DTNB: variants seen among roughly 807,000 people sequenced by gnomAD.
DTNB encodes dystrobrevin beta.
In DTNB, 63 loss-of-function variants were observed where a neutral mutation model predicts 90.7. The ratio of observed to expected loss-of-function variants is 0.69; its 90% confidence interval spans 0.57 to 0.86. The LOEUF is 0.86. DTNB is among the 40% of genes least tolerant of loss of function. DTNB has a pLI of 0.00. For synonymous variants in DTNB, 277 were observed against 286.7 expected, an observed-to-expected ratio of 0.97 and a Z score of 0.34; for missense variants, 744 against 807.1, an observed-to-expected ratio of 0.92 and a Z score of 0.95.
At chr2:25,585,790 A>G (rs377474003) in intron 6 of DTNB, among the ~76,000 whole-genome samples, 23 of 152,202 alleles carry the variant, frequency 1.5e-4, no homozygotes, top group Non-Finnish European at 2.2e-4. Context: ...ATTTTTATGC[A>G]AACTTCTGAG....
At chr2:25,635,633 G>A (rs1417980216) in intron 3 of DTNB, among the ~76,000 whole-genome samples, 1 of 152,026 alleles carries the variant, frequency 6.6e-6, no homozygotes, top group Non-Finnish European at 1.5e-5. Flanking sequence ...CTGCAGGACT[G>A]TACAGTAAAA....
chr2:25,630,567 G>A (rs1005867204), intron 3 of DTNB, among the ~76,000 whole-genome samples: 2 of 152,100 alleles, frequency 1.3e-5, no homozygotes, highest in Admixed American at 6.5e-5. Flanking sequence ...GGCCAGGCAC[G>A]GTGACGGTGG....
intron 8 of DTNB, among the ~76,000 whole-genome samples, chr2:25,541,340 C>T (rs568496971): frequency 1.4e-3 from 212 of 151,882 alleles, no homozygotes; most frequent in Non-Finnish European, 2.3e-3. Context: ...ATTAGCTGGG[C>T]GTGGTGGTGG....
intron 9 of DTNB, among the ~76,000 whole-genome samples, chr2:25,516,245 ACTTT>A (rs752288045): frequency 2.0e-5 from 3 of 151,910 alleles, no homozygotes; most frequent in South Asian, 2.1e-4. Context: ...TAGTCCTGTC[ACTTT>A]CTTTCTTTCT....
At chr2:25,386,321 C>G (rs2039461206) in intron 18 of DTNB, among the ~76,000 whole-genome samples, 1 of 152,218 alleles carries the variant, frequency 6.6e-6, no homozygotes, top group South Asian at 2.1e-4. Context: ...CAAGGCTTGC[C>G]TTCCCTAAGA....
intron 8 of DTNB, among the ~76,000 whole-genome samples, chr2:25,568,855 G>A (rs2151270219): frequency 6.6e-6 from 1 of 152,322 alleles, no homozygotes; most frequent in Admixed American, 6.5e-5. Context: ...GCTGGCCTCA[G>A]TGACTCTTCA....
intron 8 of DTNB, among the ~76,000 whole-genome samples, chr2:25,572,232 C>T (rs2059976387): frequency 6.6e-6 from 1 of 152,100 alleles, no homozygotes; most frequent in South Asian, 2.1e-4. Flanking sequence ...CTTTGGGAGG[C>T]CGAGGCAGGT....
chr2:25,527,758 G>C (rs2077441464), intron 9 of DTNB, among the ~76,000 whole-genome samples: 1 of 152,120 alleles, frequency 6.6e-6, no homozygotes, highest in Non-Finnish European at 1.5e-5. Context: ...GGAATTACCA[G>C]TTAAAAATCT....
chr2:25,554,174 A>T (rs1461261682), intron 8 of DTNB, among the ~76,000 whole-genome samples: 1 of 152,232 alleles, frequency 6.6e-6, no homozygotes, highest in Non-Finnish European at 1.5e-5. Flanking sequence ...CCAAAGTTCA[A>T]GGCCAAGCTT....
chr2:25,651,938 G>A (rs558495414), intron 2 of DTNB, among the ~76,000 whole-genome samples: 5 of 152,258 alleles, frequency 3.3e-5, no homozygotes, highest in East Asian at 3.9e-4. Flanking sequence ...CCAATTACCC[G>A]TATTTCATGA....
At chr2:25,672,882 C>G (rs1307372865) in intron 1 of DTNB, 1 of 152,176 alleles carries the variant, frequency 6.6e-6, no homozygotes, top group Non-Finnish European at 1.5e-5. Flanking sequence ...TCTTTCCTGT[C>G]CAGGGTGACC....
At chr2:25,646,950 G>C (rs952003500) in intron 2 of DTNB, among the ~76,000 whole-genome samples, 5 of 152,090 alleles carry the variant, frequency 3.3e-5, no homozygotes, top group Non-Finnish European at 5.9e-5. Flanking sequence ...CATTAAAAAG[G>C]CTAGACAAAA....
At chr2:25,666,038 T>G (rs1222238452) in intron 1 of DTNB, among the ~76,000 whole-genome samples, 3 of 152,218 alleles carry the variant, frequency 2.0e-5, no homozygotes, top group Admixed American at 2.0e-4. Context: ...TATTAGGTAC[T>G]ATTCAAATAT....
chr2:25,513,867 A>C (rs995491797), intron 9 of DTNB, among the ~76,000 whole-genome samples: 2 of 152,120 alleles, frequency 1.3e-5, no homozygotes, highest in African/African-American at 4.8e-5. Flanking sequence ...TCATGAACAC[A>C]TATAGATACA....
chr2:25,488,407 G>A (rs906679248), intron 9 of DTNB, among the ~76,000 whole-genome samples: 4 of 152,160 alleles, frequency 2.6e-5, no homozygotes, highest in African/African-American at 9.7e-5. Flanking sequence ...ATCTGAGGTT[G>A]GAAAGGAGGA....
intron 2 of DTNB, among the ~76,000 whole-genome samples, chr2:25,650,953 T>G (rs1192928609): frequency 2.8e-5 from 4 of 142,122 alleles, no homozygotes; most frequent in Admixed American, 7.0e-5. Context: ...TGAGTGAGAC[T>G]CCCTCTCAAA....
chr2:25,420,865 A>G (rs923842692), intron 15 of DTNB, among the ~76,000 whole-genome samples: 41 of 152,212 alleles, frequency 2.7e-4, no homozygotes, highest in Admixed American at 2.3e-3. Context: ...AAATGAATGC[A>G]CTATCAGACA....
chr2:25,538,640 C>T (rs1357321958), intron 8 of DTNB, among the ~76,000 whole-genome samples: 3 of 151,872 alleles, frequency 2.0e-5, no homozygotes, highest in Non-Finnish European at 2.9e-5. Context: ...TTAGTAGAGA[C>T]GGGGTTTCAC....
At chr2:25,560,667 C>G (rs1194780937) in intron 8 of DTNB, among the ~76,000 whole-genome samples, 1 of 152,190 alleles carries the variant, frequency 6.6e-6, no homozygotes, top group Non-Finnish European at 1.5e-5. Context: ...GATCTTGGGA[C>G]TTGTCATCCT....
Sources: allele counts gnomAD v4.1 joint callset (sites outside exome capture counted in the v4.1 genomes callset), GRCh38; gene constraint gnomAD v4.1.1; transcripts MANE v1.5; gene names NCBI Gene and HGNC (gene_info 2026-07-23, HGNC 2026-07-21).